The following NEGR1 variants were observed in gnomAD, a reference collection of about 807,000 sequenced individuals.
NEGR1 encodes neuronal growth regulator 1.
NEGR1 carries 10 observed loss-of-function variants against 40.9 expected under a neutral mutation model. The observed-to-expected ratio is 0.24, with a 90% confidence interval of 0.15 to 0.42. The LOEUF is 0.42. Among genes scored for constraint, NEGR1 ranks in the 10% least tolerant of loss-of-function variants. The pLI is 1.00. For missense variants in NEGR1, 352 were observed against 438.9 expected (o/e 0.80, Z 1.77); for synonymous variants, 185 against 166.8 (o/e 1.11, Z -0.84).
intron 1 of NEGR1, among the ~76,000 whole-genome samples, chr1:72,129,908 A>G (rs2100310018): frequency 6.6e-6 from 1 of 152,280 alleles, no homozygotes; most frequent in Middle Eastern, 3.4e-3. Flanking sequence ...AACCTGTACT[A>G]ATTCACCATT....
intron 2 of NEGR1, among the ~76,000 whole-genome samples, chr1:71,849,352 C>T (rs1324370979): frequency 6.6e-6 from 1 of 152,032 alleles, no homozygotes; most frequent in Non-Finnish European, 1.5e-5. Flanking sequence ...AGATGTGGTG[C>T]AAATTGTAAA....
At chr1:72,001,401 A>C (rs1646556469) in intron 1 of NEGR1, among the ~76,000 whole-genome samples, 1 of 151,816 alleles carries the variant, frequency 6.6e-6, no homozygotes, top group African/African-American at 2.4e-5. Flanking sequence ...GAAATGTAGA[A>C]TATCAGGCTT....
At chr1:71,671,479 C>A (rs1357943268) in intron 4 of NEGR1, among the ~76,000 whole-genome samples, 1 of 151,886 alleles carries the variant, frequency 6.6e-6, no homozygotes, top group Non-Finnish European at 1.5e-5. Flanking sequence ...GTTTGAAAGA[C>A]AAATATGTAA....
At chr1:71,869,053 A>G (rs1660201488) in intron 2 of NEGR1, among the ~76,000 whole-genome samples, 1 of 152,164 alleles carries the variant, frequency 6.6e-6, no homozygotes, top group Non-Finnish European at 1.5e-5. Context: ...TGTGTTTCCT[A>G]CACTACACCA....
At chr1:71,957,235 A>G (rs1264840100) in intron 1 of NEGR1, among the ~76,000 whole-genome samples, 2 of 152,140 alleles carry the variant, frequency 1.3e-5, no homozygotes, top group Admixed American at 6.5e-5. Flanking sequence ...ATTCTGGCTC[A>G]TTTAGAGATT....
At chr1:72,055,404 T>C (rs1417885831) in intron 1 of NEGR1, among the ~76,000 whole-genome samples, 1 of 151,236 alleles carries the variant, frequency 6.6e-6, no homozygotes, top group Non-Finnish European at 1.5e-5. Context: ...CTATCTGCAC[T>C]GTGATTTACA....
At chr1:71,820,989 T>C (rs1403539300) in intron 2 of NEGR1, among the ~76,000 whole-genome samples, 1 of 152,036 alleles carries the variant, frequency 6.6e-6, no homozygotes, top group Non-Finnish European at 1.5e-5. Context: ...AGATGTAGTA[T>C]ATTGCTAGAG....
chr1:72,190,261 C>T (rs192542797), intron 1 of NEGR1, among the ~76,000 whole-genome samples: 12 of 151,622 alleles, frequency 7.9e-5, no homozygotes, highest in Admixed American at 2.0e-4. Flanking sequence ...CTTCAATTAT[C>T]AGTTATTTGT....
chr1:71,998,704 G>T (rs1254452154), intron 1 of NEGR1, among the ~76,000 whole-genome samples: 3 of 151,046 alleles, frequency 2.0e-5, no homozygotes. Flanking sequence ...TTTATATAGA[G>T]ATATAAATAT....
chr1:71,953,430 A>C (rs772354303), intron 1 of NEGR1, among the ~76,000 whole-genome samples: 4 of 152,120 alleles, frequency 2.6e-5, no homozygotes, highest in Non-Finnish European at 5.9e-5. Context: ...AGATGAGCAA[A>C]GAAAGTCGTT....
At chr1:71,690,948 T>C (rs1319258269) in intron 4 of NEGR1, among the ~76,000 whole-genome samples, 1 of 151,918 alleles carries the variant, frequency 6.6e-6, no homozygotes, top group Non-Finnish European at 1.5e-5. Flanking sequence ...TTTTCACTTT[T>C]AGGAAAAGGA....
intron 2 of NEGR1, among the ~76,000 whole-genome samples, chr1:71,856,559 C>G (rs528211006): frequency 6.6e-6 from 1 of 152,050 alleles, no homozygotes; most frequent in African/African-American, 2.4e-5. Flanking sequence ...GGATTTTCAC[C>G]TAACAGCTCT....
At chr1:71,956,765 AAC>A (rs1234370087) in intron 1 of NEGR1, among the ~76,000 whole-genome samples, 3 of 152,136 alleles carry the variant, frequency 2.0e-5, no homozygotes, top group African/African-American at 7.2e-5. Flanking sequence ...GATTTTTGGT[AAC>A]ACAGCCAGGA....
In NEGR1 at chr1:71,928,435, T is replaced by TGTGTATGTATATGTAC. The variant is rs1557439281; in HGVS notation, c.409+6643_409+6644insGTACATATACATACAC. ...GTATATATACACACATATGTATATA[T>TGTGTATGTATATGTAC]ACACATATATATGTATATATACACA... On this transcript the variant is annotated intron_variant, in intron 2 of 6. Coordinates refer to ENST00000357731, the MANE Select transcript of NEGR1 (RefSeq NM_173808.3). Among the ~76,000 whole-genome samples the TGTGTATGTATATGTAC allele has an allele frequency of 2.5e-5, 2 of 80,118 alleles. 1 individual carries two copies. 52.6% of individuals were successfully genotyped at this position (80,118 alleles called of 152,430 possible).
intron 3 of NEGR1, among the ~76,000 whole-genome samples, chr1:71,771,072 C>A (rs1656301642): frequency 6.6e-6 from 1 of 152,100 alleles, no homozygotes; most frequent in African/African-American, 2.4e-5. Context: ...CAATGATAGA[C>A]TGGATAAAGA....
chr1:72,060,265 T>C (rs140351772), intron 1 of NEGR1, among the ~76,000 whole-genome samples: 2 of 151,790 alleles, frequency 1.3e-5, no homozygotes, highest in East Asian at 3.9e-4. Flanking sequence ...GAGATCTAGA[T>C]ACAGATTATT....
chr1:72,032,332 G>C (rs1557492671), intron 1 of NEGR1, among the ~76,000 whole-genome samples: 1 of 152,122 alleles, frequency 6.6e-6, no homozygotes, highest in Non-Finnish European at 1.5e-5. Context: ...CAAGAAGAAC[G>C]TAGTGCACAG....
At chr1:72,068,049 C>T (rs962718016) in intron 1 of NEGR1, among the ~76,000 whole-genome samples, 9 of 152,082 alleles carry the variant, frequency 5.9e-5, no homozygotes, top group African/African-American at 2.2e-4. Context: ...AGTAGCTTCA[C>T]AAAATAAAAT....
intron 2 of NEGR1, among the ~76,000 whole-genome samples, chr1:71,833,169 C>G (rs567135623): frequency 1.6e-4 from 25 of 152,014 alleles, no homozygotes; most frequent in African/African-American, 6.0e-4. Flanking sequence ...AAAATTGCTA[C>G]TTTTTGTTAT....
Sources: gnomAD v4.1 joint callset for allele counts (sites outside exome capture counted in the v4.1 genomes callset) on GRCh38, gnomAD v4.1.1 for gene constraint, MANE v1.5 for transcripts, NCBI Gene and HGNC (gene_info 2026-07-23, HGNC 2026-07-21) for gene names.